CBFA2T3: variants seen among roughly 807,000 people sequenced by gnomAD.
CBFA2T3 encodes the protein CBFA2/RUNX1 partner transcriptional co-repressor 3.
In CBFA2T3, 31 loss-of-function variants were observed where a neutral mutation model predicts 58.6. That is an observed-to-expected ratio of 0.53 (90% CI 0.40 to 0.71). The LOEUF (loss-of-function observed/expected upper bound fraction) is 0.71. Ranked by LOEUF, CBFA2T3 falls within the 30% of genes least tolerant of loss-of-function variation. The pLI is 0.00. For synonymous variants in CBFA2T3, 531 were observed against 421.9 expected, an observed-to-expected ratio of 1.26 and a Z score of -3.17; for missense variants, 1,076 against 963.1, an observed-to-expected ratio of 1.12 and a Z score of -1.55.
chr16:88,912,445 G>A (rs72815511), intron 1 of CBFA2T3, among the ~76,000 whole-genome samples: 23 of 152,286 alleles, frequency 1.5e-4, no homozygotes, highest in Non-Finnish European at 3.1e-4. Context: ...GCTCCTACTG[G>A]AATACTTCCC....
chr16:88,895,970 C>T (rs1969872603), intron 3 of CBFA2T3, among the ~76,000 whole-genome samples: 1 of 152,208 alleles, frequency 6.6e-6, no homozygotes, highest in Non-Finnish European at 1.5e-5. Flanking sequence ...GACAGCATGG[C>T]AGTGACCTCC....
At chr16:88,909,592 G>T (rs1299209511) in intron 1 of CBFA2T3, among the ~76,000 whole-genome samples, 2 of 152,232 alleles carry the variant, frequency 1.3e-5, no homozygotes, top group African/African-American at 2.4e-5. Context: ...GGCTGGGACG[G>T]AGGACGCCAC....
intron 7 of CBFA2T3, 49 bp downstream of exon 7, chr16:88,884,997 T>G: frequency 7.1e-7 from 1 of 1,415,074 alleles, no homozygotes; most frequent in African/African-American, 1.4e-5. Flanking sequence ...TGGGCGCATG[T>G]GTGCTCCTGT....
Position 88,884,795 on chromosome 16 carries a change from G to C in CBFA2T3, c.1117+251C>G, listed in dbSNP as rs560482482. ...TGTGGGAATCGCCAAGCTCGGATGA[G>C]AACCACGTGGGCAGTTCCAGGCCCG... On this transcript the variant is annotated intron_variant, in intron 7 of 11. Transcript: ENST00000268679. 5 of 431,636 alleles carry C rather than the reference G, an allele frequency of 1.2e-5. No homozygotes were observed. The East Asian group carries it at 1.9e-4, about 16-fold the overall frequency. 26.7% of individuals were successfully genotyped at this position (431,636 alleles called of 1,614,324 possible). A position where few individuals can be genotyped will look rare whatever the true frequency, so the allele number is the denominator to read the frequency against.
In CBFA2T3 at chr16:88,930,616, C is replaced by T. The variant is rs143208233; in HGVS notation, c.152-28960G>A. The stretch of plus-strand genomic sequence containing the variant: ...CACGTGGCCCCGTCACCTTCATCCG[C>T]GGTGTCCAGAACAGGCAAGTTCACA... On this transcript the variant is annotated intron_variant, in intron 1 of 11. Transcript: ENST00000268679. Among the ~76,000 whole-genome samples the T allele has an allele frequency of 8.0e-3, 1,194 of 149,892 alleles. 9 individuals are homozygous for T. The highest frequency in any genetic ancestry group is 0.014 in the Middle Eastern group (4 of 294).
chr16:88,929,023 C>T (rs1337504349), intron 1 of CBFA2T3, among the ~76,000 whole-genome samples: 1 of 152,174 alleles, frequency 6.6e-6, no homozygotes, highest in African/African-American at 2.4e-5. Context: ...ACCTCGGCTC[C>T]GTTCCTGGAG....
intron 1 of CBFA2T3, among the ~76,000 whole-genome samples, chr16:88,908,841 A>C (rs1160194366): frequency 6.6e-6 from 1 of 152,236 alleles, no homozygotes; most frequent in Non-Finnish European, 1.5e-5. Flanking sequence ...CAACATAGCC[A>C]CGGTGATGAC....
At chr16:88,974,290 G>A (rs1295958254) in intron 1 of CBFA2T3, among the ~76,000 whole-genome samples, 1 of 152,140 alleles carries the variant, frequency 6.6e-6, no homozygotes, top group Admixed American at 6.5e-5. Context: ...ACCCAGCACC[G>A]CAAGCACCGT....
intron 1 of CBFA2T3, among the ~76,000 whole-genome samples, chr16:88,901,948 C>G (rs1018601286): frequency 1.3e-5 from 2 of 152,222 alleles, no homozygotes; most frequent in African/African-American, 4.8e-5. Context: ...AGGCTTGAGG[C>G]TTCTACAGAC....
Position 88,885,139 on chromosome 16 carries a change from A to G in CBFA2T3, c.1024T>C (p.Tyr342His). The change falls in exon 7 of 12, where the codon TAC (tyrosine) becomes CAC (histidine). Residue 342 changes from tyrosine (Y) to histidine (H), a missense_variant. Tyr to His is a moderately conservative substitution (Grantham distance 83). Coordinates refer to ENST00000268679, the MANE Select transcript of CBFA2T3 (RefSeq NM_005187.6). This position sits in a 1 kb window ranked among gnomAD's most constrained non-coding sequence, Gnocchi z 5.3. ...GPPQPTPPPH[Y>H]RLEDIAMAHH... ...GCCATGGCTATGTCCTCCAGGCGGT[A>G]GTGCGGCGGCGGTGTGGGCTGCGGT... is the stretch of plus-strand genomic sequence containing the variant. 6.2e-7 allele frequency: 1 copy of G among 1,601,100 alleles called. No homozygotes were observed. Among genetic ancestry groups the G allele is most frequent in the Non-Finnish European group, 8.5e-7 (1 of 1,175,032 alleles).
At chr16:88,967,242 G>A (rs986617895) in intron 1 of CBFA2T3, among the ~76,000 whole-genome samples, 2 of 148,040 alleles carry the variant, frequency 1.4e-5, no homozygotes, top group Non-Finnish European at 3.0e-5. Context: ...GGTGCCACTC[G>A]GCCCCGACAC....
intron 1 of CBFA2T3, among the ~76,000 whole-genome samples, chr16:88,935,431 C>G (rs563536867): frequency 6.6e-6 from 1 of 152,342 alleles, no homozygotes; most frequent in Admixed American, 6.5e-5. Flanking sequence ...CAGGTGGCCT[C>G]GGCTCCCAAG....
At position 88,875,738 on chromosome 16, in the gene CBFA2T3, C is replaced by G. The variant is rs928182754; in HGVS notation, c.*1238G>C. On this transcript the variant is annotated 3_prime_UTR_variant, in exon 12 of 12. Transcript: ENST00000268679. ...TGGCTCCGCATGCTCGAAAAGCAGTCGAGAATCAACCCAAAAGATTGTCAC... is the reference window on the plus strand; with the variant it reads ...TGGCTCCGCATGCTCGAAAAGCAGTGGAGAATCAACCCAAAAGATTGTCAC... 1 of 233,328 alleles carries G rather than the reference C, an allele frequency of 4.3e-6. No individual in the cohort carries two copies. The highest frequency in any genetic ancestry group is 1.8e-4 in the South Asian group (1 of 5,528). The allele number at this position is 233,328 out of a possible 1,614,324, so 14.5% of individuals were successfully genotyped here. A position where few individuals can be genotyped will look rare whatever the true frequency, so the allele number is the denominator to read the frequency against.
intron 11 of CBFA2T3, among the ~76,000 whole-genome samples, chr16:88,878,905 C>T (rs1968949552): frequency 6.6e-6 from 1 of 152,192 alleles, no homozygotes; most frequent in Non-Finnish European, 1.5e-5. Flanking sequence ...GAGGTCATGC[C>T]ACAGCAACAA....
intron 1 of CBFA2T3, among the ~76,000 whole-genome samples, chr16:88,962,600 C>A (rs1336880335): frequency 6.6e-6 from 1 of 152,178 alleles, no homozygotes; most frequent in Non-Finnish European, 1.5e-5. Flanking sequence ...CCAAAGGGCA[C>A]ATTTGGGAGG....
intron 1 of CBFA2T3, among the ~76,000 whole-genome samples, chr16:88,935,581 G>A (rs1224728194): frequency 6.6e-6 from 1 of 152,374 alleles, no homozygotes; most frequent in Non-Finnish European, 1.5e-5. Flanking sequence ...CTGTCCTCGC[G>A]TGGGTGGAGC....
Position 88,890,488 on chromosome 16 carries a change from C to T in CBFA2T3, c.711+1394G>A, listed in dbSNP as rs1377874764. ...GTGTGGCCAGGCTGGCAGCTCCCAACTAAGCTCCACGGAACCCTGACCCCA... is the reference window on the plus strand; with the variant it reads ...GTGTGGCCAGGCTGGCAGCTCCCAATTAAGCTCCACGGAACCCTGACCCCA... On this transcript the variant is annotated intron_variant, in intron 5 of 11. Coordinates refer to ENST00000268679, the MANE Select transcript of CBFA2T3 (RefSeq NM_005187.6). 2.6e-5 allele frequency among the ~76,000 whole-genome samples: 4 copies of T among 152,320 alleles called. No individual in the cohort carries two copies. In the East Asian group the frequency reaches 5.8e-4, roughly 22 times the overall value.
At chr16:88,893,862 T>C (rs1969753482) in intron 3 of CBFA2T3, among the ~76,000 whole-genome samples, 1 of 152,126 alleles carries the variant, frequency 6.6e-6, no homozygotes, top group Non-Finnish European at 1.5e-5. Context: ...CCGCACCCCG[T>C]GCCCTTGGCC....
At chr16:88,946,084 G>A (rs936705621) in intron 1 of CBFA2T3, among the ~76,000 whole-genome samples, 7 of 152,100 alleles carry the variant, frequency 4.6e-5, no homozygotes, top group Admixed American at 1.3e-4. Flanking sequence ...GAAGGGGGCG[G>A]ATCACCTGAG....
Sources: allele counts gnomAD v4.1 joint callset (sites outside exome capture counted in the v4.1 genomes callset), GRCh38; gene constraint gnomAD v4.1.1; non-coding constraint Gnocchi (gnomAD v3.1); transcripts MANE v1.5; gene names NCBI Gene and HGNC (gene_info 2026-07-23, HGNC 2026-07-21).